Variants in EVL observed in about 807,000 individuals in gnomAD.
EVL encodes the protein ena/VASP-like protein.
Under a neutral mutation model 59.6 loss-of-function variants are expected in EVL, and 21 were observed. The ratio of observed to expected loss-of-function variants is 0.35; its 90% CI spans 0.25 to 0.51. The LOEUF (loss-of-function observed/expected upper bound fraction) is 0.51, where lower values mean the gene tolerates loss of function less well. Among genes scored for constraint, EVL ranks in the 20% least tolerant of loss-of-function variants. EVL has a pLI of 0.97. For synonymous variants in EVL, 198 were observed against 203.5 expected (o/e 0.97, Z 0.23); for missense variants, 462 against 546.6 (o/e 0.85, Z 1.54).
intron 1 of EVL, among the ~76,000 whole-genome samples, chr14:100,025,593 TC>T (rs1258831047): frequency 6.6e-6 from 1 of 152,220 alleles, no homozygotes; most frequent in Non-Finnish European, 1.5e-5. Flanking sequence ...ATTGTTTACC[TC>T]CCTTAGCAGA....
chr14:100,007,457 T>G (rs1371567390), intron 1 of EVL, among the ~76,000 whole-genome samples: 1 of 152,192 alleles, frequency 6.6e-6, no homozygotes, highest in African/African-American at 2.4e-5. Flanking sequence ...CCCCAAGATT[T>G]ATTTTCCTTT....
chr14:100,044,804 A>G (rs1361508460), intron 1 of EVL, among the ~76,000 whole-genome samples: 1 of 152,182 alleles, frequency 6.6e-6, no homozygotes, highest in Non-Finnish European at 1.5e-5. Flanking sequence ...GCTCCCCAGT[A>G]TAGCTTGGAT....
chr14:100,127,614 C>T lies in EVL; in HGVS notation c.487+843C>T, dbSNP rs893414718. 6.6e-6 allele frequency among the ~76,000 whole-genome samples: 1 copy of T among 152,088 alleles called. No homozygotes were observed. The highest frequency in any genetic ancestry group is 1.5e-5 in the Non-Finnish European group (1 of 68,022). ...GTGCCTGCCCTCTCTCCCTCTAGTG[C>T]CTCGCAAGCACTTCCCATCCTTTTC... On this transcript the variant is annotated intron_variant, in intron 5 of 13. Transcript: ENST00000392920. This position sits in a 1 kb window ranked among gnomAD's most constrained non-coding sequence, Gnocchi z 4.2.
chr14:99,980,144 T>C (rs981439291), intron 1 of EVL, among the ~76,000 whole-genome samples: 10 of 152,220 alleles, frequency 6.6e-5, no homozygotes, highest in African/African-American at 2.4e-4. Context: ...CTGGAACCAG[T>C]CTCCTGTGGA....
rs1388392103 is a variant in EVL, at chr14:99,972,169, G to T, written c.5+112G>T. 2 of 237,562 alleles carry T rather than the reference G, an allele frequency of 8.4e-6. No homozygotes were observed. Among genetic ancestry groups the T allele is most frequent in the Non-Finnish European group, 1.6e-5 (2 of 121,856 alleles). 14.7% of individuals were successfully genotyped at this position (237,562 alleles called of 1,614,324 possible). Reference sequence around the variant, plus strand: ...GGAGGGGGGCTCCACGGGCGCGGGGGCTTCCAGAGAACCGCGGGGGCTCTG... The same window carrying T: ...GGAGGGGGGCTCCACGGGCGCGGGGTCTTCCAGAGAACCGCGGGGGCTCTG... On this transcript the variant is annotated intron_variant, in intron 1 of 13. Coordinates refer to the EVL transcript ENST00000402714. This position sits in a 1 kb window ranked among gnomAD's most constrained non-coding sequence, Gnocchi z 4.4.
intron 12 of EVL, 33 bp downstream of exon 12, chr14:100,141,279 C>T: frequency 6.2e-7 from 1 of 1,609,832 alleles, no homozygotes; most frequent in Non-Finnish European, 8.5e-7. Context: ...CCTCAAGAGG[C>T]TGAGGGCAGC....
chr14:100,016,078 CAAAAA>C (rs756318037), intron 1 of EVL, among the ~76,000 whole-genome samples: 3 of 90,130 alleles, frequency 3.3e-5, no homozygotes, highest in Admixed American at 2.4e-4. Context: ...GACTCTGTCT[CAAAAA>C]AAAAAAAAAA....
chr14:100,061,469 A>C (rs1246148940), upstream of EVL, among the ~76,000 whole-genome samples: 1 of 150,030 alleles, frequency 6.7e-6, no homozygotes, highest in Non-Finnish European at 1.5e-5. Context: ...GCAAAAAAAA[A>C]AAAAAAAAAA....
At chr14:100,075,740 G>A (rs2062147249) in intron 1 of EVL, among the ~76,000 whole-genome samples, 1 of 152,186 alleles carries the variant, frequency 6.6e-6, no homozygotes, top group South Asian at 2.1e-4. Context: ...ACCTTGGGGT[G>A]GGGTTTGGGG....
At chr14:100,116,695 C>G (rs56167146) in intron 3 of EVL, among the ~76,000 whole-genome samples, 1 of 152,208 alleles carries the variant, frequency 6.6e-6, no homozygotes, top group Non-Finnish European at 1.5e-5. Context: ...AGCAGGGATT[C>G]TCCTCCGTAG....
intron 4 of EVL, among the ~76,000 whole-genome samples, chr14:100,125,133 CA>C (rs1887965019): frequency 7.0e-6 from 1 of 143,174 alleles, no homozygotes; most frequent in Non-Finnish European, 1.5e-5. Context: ...CACACACACA[CA>C]CACACACACA....
chr14:100,061,139 C>A (rs1595113195), upstream of EVL, among the ~76,000 whole-genome samples: 11 of 152,002 alleles, frequency 7.2e-5, no homozygotes, highest in South Asian at 2.3e-3. Flanking sequence ...GCCTGTAATC[C>A]CAGCCCTTTC....
At chr14:100,142,418 C>T (rs1294722659) in intron 13 of EVL, among the ~76,000 whole-genome samples, 1 of 152,222 alleles carries the variant, frequency 6.6e-6, no homozygotes, top group Non-Finnish European at 1.5e-5. Flanking sequence ...GATCTGCAGC[C>T]AGAGGAAAAG....
intron 1 of EVL, among the ~76,000 whole-genome samples, chr14:100,016,070 C>A (rs1480310447): frequency 3.5e-5 from 5 of 141,296 alleles, no homozygotes; most frequent in African/African-American, 1.3e-4. Context: ...CAGAGTAAGA[C>A]TCTGTCTCAA....
chr14:100,111,597 A>G (rs1326716869), intron 3 of EVL, among the ~76,000 whole-genome samples: 1 of 152,088 alleles, frequency 6.6e-6, no homozygotes, highest in Non-Finnish European at 1.5e-5. Context: ...CAATCCCTAG[A>G]TACTGGGATC....
chr14:99,981,218 G>T (rs2060803899), intron 1 of EVL, among the ~76,000 whole-genome samples: 1 of 152,066 alleles, frequency 6.6e-6, no homozygotes, highest in Admixed American at 6.6e-5. Context: ...GATCACCTGA[G>T]GTCAGGAGTT....
At chr14:100,077,234 T>C (rs904960337) in intron 1 of EVL, among the ~76,000 whole-genome samples, 1 of 152,122 alleles carries the variant, frequency 6.6e-6, no homozygotes, top group Non-Finnish European at 1.5e-5. Flanking sequence ...GGGCTGGGAC[T>C]GGCAGCAAGG....
intron 1 of EVL, among the ~76,000 whole-genome samples, chr14:99,973,609 C>T (rs909230450): frequency 2.0e-5 from 3 of 152,118 alleles, no homozygotes; most frequent in Non-Finnish European, 4.4e-5. Context: ...ATTACAGGTA[C>T]GTACCACCAC....
At chr14:100,038,373 A>G (rs1276123631) in intron 1 of EVL, among the ~76,000 whole-genome samples, 2 of 152,342 alleles carry the variant, frequency 1.3e-5, no homozygotes, top group East Asian at 3.9e-4. Context: ...TTGGGCCTTC[A>G]GAATATTTAA....
Sources: gnomAD v4.1 joint callset for allele counts (sites outside exome capture counted in the v4.1 genomes callset) on GRCh38, gnomAD v4.1.1 for gene constraint, Gnocchi (gnomAD v3.1) non-coding constraint, MANE v1.5 for transcripts, NCBI Gene and HGNC (gene_info 2026-07-23, HGNC 2026-07-21) for gene names.